Variants in USP3 observed in about 807,000 individuals in gnomAD.
USP3 encodes the protein ubiquitin carboxyl-terminal hydrolase 3.
Under a neutral mutation model 72.3 loss-of-function variants are expected in USP3, and 20 were observed. That is an observed-to-expected ratio of 0.28 (90% CI 0.19 to 0.40). The LOEUF (loss-of-function observed/expected upper bound fraction) is 0.40, where lower values mean the gene tolerates loss of function less well. Ranked by LOEUF, USP3 falls within the 10% of genes least tolerant of loss-of-function variation. USP3 has a pLI of 1.00. For missense variants in USP3, 479 were observed against 633.9 expected (o/e 0.76, Z 2.62); for synonymous variants, 222 against 225.3 (o/e 0.99, Z 0.13).
At position 63,537,838 on chromosome 15, in the gene USP3, G is replaced by A. The variant is rs562964142; in HGVS notation, c.284+682G>A. The stretch of plus-strand genomic sequence containing the variant: ...GTAGCTGGGATTACAAGCATGTGCC[G>A]CCATGCCCAGCTAATTTTGTATTTT... On this transcript the variant is annotated intron_variant, in intron 3 of 14. Coordinates refer to ENST00000380324, the MANE Select transcript of USP3 (RefSeq NM_006537.4). 3.9e-5 allele frequency among the ~76,000 whole-genome samples: 6 copies of A among 151,952 alleles called. No individual in the cohort carries two copies. The South Asian group carries it at 6.2e-4, about 16-fold the overall frequency.
intron 1 of USP3, among the ~76,000 whole-genome samples, chr15:63,524,284 A>G (rs1329211758): frequency 6.6e-6 from 1 of 152,204 alleles, no homozygotes; most frequent in Non-Finnish European, 1.5e-5. Context: ...TTTGAATCCT[A>G]CTGGGTAAAA....
chr15:63,560,169 C>T (rs2066583349), intron 7 of USP3, among the ~76,000 whole-genome samples, 199 bp downstream of exon 7: 1 of 152,086 alleles, frequency 6.6e-6, no homozygotes, highest in Non-Finnish European at 1.5e-5. Context: ...CCTGTTATCC[C>T]AGCACTTTGG....
At chr15:63,556,524 G>T (rs536043999) in intron 4 of USP3, 143 bp from the exon 5 acceptor site, 3 of 533,528 alleles carry the variant, frequency 5.6e-6, no homozygotes, top group Non-Finnish European at 6.8e-6. Context: ...CTTCAAATAC[G>T]TGTGGGCCCC....
intron 8 of USP3, 54 bp downstream of exon 8, chr15:63,563,062 C>G: frequency 8.2e-7 from 1 of 1,225,654 alleles, no homozygotes; most frequent in Non-Finnish European, 1.1e-6. Flanking sequence ...TTATACTGTT[C>G]CTGAAATAAT....
chr15:63,533,769 T>C (rs1486676477), intron 2 of USP3: 9 of 967,926 alleles, frequency 9.3e-6, no homozygotes, highest in Non-Finnish European at 1.1e-5. Context: ...ACTGCATTTC[T>C]TAATTGTGGC....
At chr15:63,566,603 G>A (rs951222983) in intron 8 of USP3, among the ~76,000 whole-genome samples, 5 of 152,136 alleles carry the variant, frequency 3.3e-5, no homozygotes, top group Non-Finnish European at 7.4e-5. Context: ...GTGACCCACC[G>A]TGCCTGGCCA....
chr15:63,566,230 T>A (rs1466994440), intron 8 of USP3, among the ~76,000 whole-genome samples: 1 of 152,190 alleles, frequency 6.6e-6, no homozygotes, highest in Non-Finnish European at 1.5e-5. Flanking sequence ...TTCTTATATT[T>A]GCTTGCTCTT....
intron 2 of USP3, among the ~76,000 whole-genome samples, chr15:63,535,644 A>C (rs2066144127): frequency 6.6e-6 from 1 of 152,190 alleles, no homozygotes; most frequent in African/African-American, 2.4e-5. Context: ...GGTATATGCA[A>C]AAGTGTAAAG....
Position 63,588,038 on chromosome 15 carries a change from A to G in USP3, c.1097-267A>G, listed in dbSNP as rs890744293. ...CATTTTATCAGAATTATCCAGATGAATTATCATTAATAGTAAAACCAACAC... is the reference window on the plus strand; with the variant it reads ...CATTTTATCAGAATTATCCAGATGAGTTATCATTAATAGTAAAACCAACAC... On this transcript the variant is annotated intron_variant, in intron 11 of 14. Coordinates refer to ENST00000380324, the MANE Select transcript of USP3 (RefSeq NM_006537.4). The surrounding 1 kb of genome is among the most constrained non-coding windows in gnomAD (Gnocchi z 4.6). The G allele has an allele frequency of 3.3e-5, 9 of 276,882 alleles. No homozygotes were observed. The Admixed American group carries it at 3.4e-4, about 10-fold the overall frequency. The allele number at this position is 276,882 out of a possible 1,614,324, so 17.2% of individuals were successfully genotyped here. A position where few individuals can be genotyped will look rare whatever the true frequency, so the allele number is the denominator to read the frequency against.
chr15:63,551,404 A>G (rs1007760543), intron 3 of USP3: 6 of 151,772 alleles, frequency 4.0e-5, no homozygotes, highest in South Asian at 2.1e-4. Flanking sequence ...TTTAATTATA[A>G]AATAATTAAA....
At chr15:63,556,988 C>T (rs1483137044) in intron 5 of USP3, 5 of 365,790 alleles carry the variant, frequency 1.4e-5, no homozygotes, top group African/African-American at 2.1e-5. Context: ...CCCTAGAAAA[C>T]AGTTCACTCT....
At chr15:63,580,415 G>C (rs939379531) in intron 11 of USP3, among the ~76,000 whole-genome samples, 1 of 151,732 alleles carries the variant, frequency 6.6e-6, no homozygotes, top group African/African-American at 2.4e-5. Flanking sequence ...TTGGGGGATA[G>C]TAAAAAATGC....
At chr15:63,555,192 A>C (rs751256140) in intron 4 of USP3, among the ~76,000 whole-genome samples, 9 of 152,192 alleles carry the variant, frequency 5.9e-5, no homozygotes, top group Non-Finnish European at 7.3e-5. Context: ...CTCCATGAAA[A>C]ATCTACCTTA....
At position 63,590,741 on chromosome 15, in the gene USP3, C is replaced by A. The variant is rs762477777; in HGVS notation, c.1478C>A (p.Thr493Asn). Residue 493 changes from threonine to asparagine, a missense_variant, in exon 15 of 15, where the codon ACT becomes AAT. Physicochemically the swap from Thr to Asn is moderately conservative, Grantham distance 65 (BLOSUM62 0). Coordinates refer to ENST00000380324, the MANE Select transcript of USP3 (RefSeq NM_006537.4). ...TTCAATGACAGTACTGTAACACTGA[C>A]TGACGAGGAGACTGTGGTGAAGGCG... ...FHFNDSTVTLTDEETVVKAKA... is the reference protein window; with the variant it reads ...FHFNDSTVTLNDEETVVKAKA... 6.2e-7 allele frequency: 1 copy of A among 1,614,198 alleles called. No homozygotes were observed. Among genetic ancestry groups the A allele is most frequent in the Non-Finnish European group, 8.5e-7 (1 of 1,180,026 alleles).
At chr15:63,547,888 G>GAGAGAGAGAGAGACAT (rs1555446525) in intron 3 of USP3, among the ~76,000 whole-genome samples, 9 of 73,296 alleles carry the variant, frequency 1.2e-4, no homozygotes, top group Admixed American at 3.9e-4. Context: ...GAGAGAGAGA[G>GAGAGAGAGAGAGACAT]AGAGAGAGGC....
intron 11 of USP3, among the ~76,000 whole-genome samples, chr15:63,579,701 A>G (rs1391140289): frequency 6.6e-6 from 1 of 152,194 alleles, no homozygotes; most frequent in Non-Finnish European, 1.5e-5. Context: ...TTAATTGAGC[A>G]ATGGTAAAAG....
intron 1 of USP3, among the ~76,000 whole-genome samples, chr15:63,506,669 A>T (rs1448244090): frequency 6.6e-6 from 1 of 152,208 alleles, no homozygotes; most frequent in Non-Finnish European, 1.5e-5. Context: ...GCATCTCTTG[A>T]GGAACTTAAT....
At chr15:63,581,827 C>T (rs751616916) in intron 11 of USP3, among the ~76,000 whole-genome samples, 2 of 152,078 alleles carry the variant, frequency 1.3e-5, no homozygotes, top group African/African-American at 2.4e-5. Flanking sequence ...CCTGGGACTA[C>T]AGGCACATGC....
At chr15:63,586,453 A>G (rs946950637) in intron 11 of USP3, among the ~76,000 whole-genome samples, 1 of 152,230 alleles carries the variant, frequency 6.6e-6, no homozygotes, top group African/African-American at 2.4e-5. Context: ...CGCCAAGGCC[A>G]TAGCTTTTTA....
Sources: allele counts gnomAD v4.1 joint callset (sites outside exome capture counted in the v4.1 genomes callset), GRCh38; gene constraint gnomAD v4.1.1; non-coding constraint Gnocchi (gnomAD v3.1); transcripts MANE v1.5; gene names NCBI Gene and HGNC (gene_info 2026-07-23, HGNC 2026-07-21).